SELENOF: variants seen among roughly 807,000 people sequenced by gnomAD.
SELENOF encodes 15 kDa selenoprotein.
In SELENOF, 16 loss-of-function variants were observed where a neutral mutation model predicts 20.5. That is an observed-to-expected ratio of 0.78 (90% CI 0.53 to 1.19). SELENOF has a LOEUF of 1.19. Ranked by LOEUF, SELENOF falls within the 50% of genes most tolerant of loss-of-function variation. The pLI is 0.00. For missense variants in SELENOF, 215 were observed against 194.2 expected, an observed-to-expected ratio of 1.11 and a Z score of -0.64; for synonymous variants, 78 against 74.5, an observed-to-expected ratio of 1.05 and a Z score of -0.24.
At chr1:86,899,692 C>T (rs187248513) in intron 2 of SELENOF, among the ~76,000 whole-genome samples, 17,209 of 150,852 alleles carry the variant, frequency 0.11, 1,563 homozygotes, top group African/African-American at 0.25. Flanking sequence ...CGGGGGCTGA[C>T]CCCCACCTCC....
At position 86,888,445 on chromosome 1, in the gene SELENOF, T is replaced by A. The variant is rs28555670; in HGVS notation, c.253-7720A>T. Among the ~76,000 whole-genome samples the A allele has an allele frequency of 6.9e-3, 1,047 of 152,248 alleles. 12 individuals carry two copies. Among genetic ancestry groups the A allele is most frequent in the African/African-American group, 0.022 (895 of 41,556 alleles). On this transcript the variant is annotated intron_variant, in intron 2 of 4. Transcript: ENST00000331835. The stretch of plus-strand genomic sequence containing the variant: ...TGCCTTTCAGAAGAAATCTTTTTTT[T>A]AAAAATTTTTGTAGAGATGGGGTCT...
chr1:86,876,582 A>T (rs762774093), intron 3 of SELENOF, among the ~76,000 whole-genome samples: 34 of 152,226 alleles, frequency 2.2e-4, no homozygotes, highest in Non-Finnish European at 3.5e-4. Flanking sequence ...AAAAAATATA[A>T]GAAATACAAT....
chr1:86,866,230 CTGTGTGTGTGTGTGTG>C (rs60714256), intron 4 of SELENOF, among the ~76,000 whole-genome samples: 2 of 113,678 alleles, frequency 1.8e-5, no homozygotes, highest in African/African-American at 6.7e-5. Flanking sequence ...GTGTGTGTCT[CTGTGTGTGTGTGTGTG>C]TGTGTGTGTG....
rs368699925 is a variant in SELENOF, at chr1:86,870,322, T to C, written c.317-2220A>G. Among the ~76,000 whole-genome samples, 8 of 152,258 alleles carry C rather than the reference T, an allele frequency of 5.3e-5. No homozygotes were observed. In the East Asian group the frequency reaches 7.7e-4, roughly 15 times the overall value. ...TTTCAAAATGAAACCAATTATGCTA[T>C]TCTGGCTTATTAAAACATCATTTCT... On this transcript the variant is annotated intron_variant, in intron 3 of 4. Coordinates refer to ENST00000331835, the MANE Select transcript of SELENOF (RefSeq NM_004261.5).
At chr1:86,896,114 G>A (rs1659515820) in intron 2 of SELENOF, among the ~76,000 whole-genome samples, 1 of 152,094 alleles carries the variant, frequency 6.6e-6, no homozygotes, top group African/African-American at 2.4e-5. Flanking sequence ...TGGAATCCCA[G>A]CTGCTTGCGA....
chr1:86,864,602 A>G (rs1250516166), intron 4 of SELENOF, among the ~76,000 whole-genome samples: 1 of 152,140 alleles, frequency 6.6e-6, no homozygotes, highest in South Asian at 2.1e-4. Flanking sequence ...TAATGAATCA[A>G]TAATAACATT....
intron 1 of SELENOF, among the ~76,000 whole-genome samples, chr1:86,908,167 C>A (rs1231253442): frequency 2.0e-5 from 3 of 152,168 alleles, no homozygotes; most frequent in African/African-American, 7.2e-5. Flanking sequence ...TATTTTGTTA[C>A]ACTTACACCT....
At chr1:86,901,006 C>T (rs1659690451) in intron 2 of SELENOF, among the ~76,000 whole-genome samples, 1 of 152,170 alleles carries the variant, frequency 6.6e-6, no homozygotes, top group African/African-American at 2.4e-5. Flanking sequence ...TATCCTTCCA[C>T]CTCAGGCTCC....
chr1:86,880,713 C>T lies in SELENOF; in HGVS notation c.265G>A (p.Ala89Thr), dbSNP rs747219938. The change falls in exon 3 of 5, where the codon GCT becomes ACT. Residue 89 changes from alanine (A) to threonine (T), a missense_variant. Coordinates refer to ENST00000331835, the MANE Select transcript of SELENOF (RefSeq NM_004261.5). ...TTTCATCCACAAACTTCAAGAATAG[C>T]TCCTGCATACAGCTACAAAAGGAAA... ...QFETKKLYAG[A>T]ILEVCGUKLG... 1 of 1,587,522 alleles carries T rather than the reference C, an allele frequency of 6.3e-7. No homozygotes were observed. Among genetic ancestry groups the T allele is most frequent in the African/African-American group, 1.3e-5 (1 of 74,380 alleles).
chr1:86,914,505 C>G (rs1189061325), upstream of SELENOF: 1 of 251,052 alleles, frequency 4.0e-6, no homozygotes, highest in Non-Finnish European at 7.9e-6. Flanking sequence ...GAGCGAAGCG[C>G]AGGGGCTCTT....
intron 2 of SELENOF, among the ~76,000 whole-genome samples, chr1:86,888,213 T>C (rs982262421): frequency 7.4e-5 from 11 of 148,226 alleles, no homozygotes; most frequent in African/African-American, 2.5e-4. Context: ...TGAGCTGAGA[T>C]CACCCCACTA....
intron 1 of SELENOF, among the ~76,000 whole-genome samples, chr1:86,904,962 T>G (rs943530589): frequency 1.3e-5 from 2 of 152,234 alleles, no homozygotes; most frequent in Non-Finnish European, 2.9e-5. Flanking sequence ...AGTATTTTTC[T>G]TGAATGTCAG....
chr1:86,888,765 G>A (rs972140874), intron 2 of SELENOF, among the ~76,000 whole-genome samples: 1 of 152,230 alleles, frequency 6.6e-6, no homozygotes, highest in Non-Finnish European at 1.5e-5. Flanking sequence ...CCAGGTTCAA[G>A]CGATTCTCCT....
intron 1 of SELENOF, among the ~76,000 whole-genome samples, chr1:86,912,391 G>A (rs1327382198): frequency 2.0e-5 from 3 of 152,070 alleles, no homozygotes; most frequent in African/African-American, 7.2e-5. Flanking sequence ...TATTACATAT[G>A]GAATTAGTTA....
chr1:86,867,548 G>A (rs1234270267), intron 4 of SELENOF, among the ~76,000 whole-genome samples: 2 of 151,980 alleles, frequency 1.3e-5, no homozygotes, highest in African/African-American at 4.8e-5. Flanking sequence ...TTGCCAGGGG[G>A]TGGGGAAGAG....
intron 2 of SELENOF, among the ~76,000 whole-genome samples, chr1:86,901,991 G>GCCAACA (rs1351124799): frequency 6.6e-6 from 1 of 152,112 alleles, no homozygotes; most frequent in Non-Finnish European, 1.5e-5. Flanking sequence ...TGTTGGTTGA[G>GCCAACA]TAGTAGTACA....
chr1:86,903,471 A>G (rs759256943), intron 1 of SELENOF, 23 bp from the exon 2 acceptor site: 2 of 1,565,164 alleles, frequency 1.3e-6, no homozygotes, highest in Non-Finnish European at 1.7e-6. Flanking sequence ...AATGGGAAAT[A>G]AAACACAATT....
intron 2 of SELENOF, among the ~76,000 whole-genome samples, chr1:86,890,859 A>T (rs1659365583): frequency 6.6e-6 from 1 of 152,034 alleles, no homozygotes; most frequent in Non-Finnish European, 1.5e-5. Context: ...ACTTCCATAA[A>T]GATTAATATG....
chr1:86,910,081 A>G (rs991370616), intron 1 of SELENOF, among the ~76,000 whole-genome samples: 3 of 152,274 alleles, frequency 2.0e-5, no homozygotes, highest in African/African-American at 7.2e-5. Flanking sequence ...TTTGCATTCT[A>G]TTGAAACATC....
Sources: gnomAD v4.1 joint callset for allele counts (sites outside exome capture counted in the v4.1 genomes callset) on GRCh38, gnomAD v4.1.1 for gene constraint, MANE v1.5 for transcripts, NCBI Gene and HGNC (gene_info 2026-07-23, HGNC 2026-07-21) for gene names.